The following GALNT7 variants were observed in gnomAD, a reference collection of about 807,000 sequenced individuals.
The protein encoded by GALNT7 is N-acetylgalactosaminyltransferase 7.
GALNT7 carries 60 observed loss-of-function variants against 82.1 expected under a neutral mutation model. The observed-to-expected ratio is 0.73, with a 90% CI of 0.59 to 0.91. The LOEUF (loss-of-function observed/expected upper bound fraction) is 0.91, where lower values mean the gene tolerates loss of function less well. GALNT7 is among the 40% of genes least tolerant of loss of function. GALNT7 has a pLI of 0.00. For missense variants in GALNT7, 660 were observed against 804.2 expected (o/e 0.82, Z 2.17); for synonymous variants, 243 against 275.1 (o/e 0.88, Z 1.15).
Position 173,183,854 on chromosome 4 carries a change from C to T in GALNT7, c.126+14893C>T, listed in dbSNP as rs1023437958. On this transcript the variant is annotated intron_variant, in intron 1 of 11. Coordinates refer to ENST00000265000, the MANE Select transcript of GALNT7 (RefSeq NM_017423.3). The stretch of plus-strand genomic sequence containing the variant: ...CCCACCTCCCAGACGGGGCGGCTGC[C>T]GGGCGGAGACGCTCATCACTTCCCA... 3.3e-5 allele frequency among the ~76,000 whole-genome samples: 5 copies of T among 150,676 alleles called. No individual in the cohort carries two copies. In the South Asian group the frequency reaches 6.3e-4, roughly 19 times the overall value.
intron 1 of GALNT7, among the ~76,000 whole-genome samples, chr4:173,246,389 A>AG (rs1482877131): frequency 1.3e-5 from 2 of 152,306 alleles, no homozygotes; most frequent in East Asian, 3.9e-4. Flanking sequence ...TTCAAAAAAA[A>AG]TTATCTTGTT....
At chr4:173,243,316 G>A (rs1390982006) in intron 1 of GALNT7, among the ~76,000 whole-genome samples, 1 of 152,122 alleles carries the variant, frequency 6.6e-6, no homozygotes, top group Non-Finnish European at 1.5e-5. Context: ...CCTTACTTCT[G>A]GTAATCCATA....
intron 1 of GALNT7, among the ~76,000 whole-genome samples, chr4:173,241,294 C>T (rs1176949712): frequency 6.6e-6 from 1 of 151,672 alleles, no homozygotes; most frequent in Admixed American, 6.6e-5. Flanking sequence ...ATTTAATTTT[C>T]CTGTTAAGTC....
chr4:173,246,849 A>G (rs1388598182), intron 1 of GALNT7, among the ~76,000 whole-genome samples: 1 of 152,116 alleles, frequency 6.6e-6, no homozygotes, highest in Non-Finnish European at 1.5e-5. Flanking sequence ...CTGTTGGGGA[A>G]TCACACAGTT....
chr4:173,228,668 A>T (rs1364813428), intron 1 of GALNT7, among the ~76,000 whole-genome samples: 1 of 151,998 alleles, frequency 6.6e-6, no homozygotes, highest in Admixed American at 6.6e-5. Flanking sequence ...TGATACTCAC[A>T]GCCAGATGGC....
chr4:173,193,478 C>T (rs903440172), intron 1 of GALNT7, among the ~76,000 whole-genome samples: 3 of 152,170 alleles, frequency 2.0e-5, no homozygotes, highest in Non-Finnish European at 4.4e-5. Context: ...TCTCTCCCCT[C>T]ACCCCAACTT....
chr4:173,300,344 C>G (rs1033699635), intron 6 of GALNT7, among the ~76,000 whole-genome samples: 1 of 151,796 alleles, frequency 6.6e-6, no homozygotes, highest in Non-Finnish European at 1.5e-5. Flanking sequence ...CCCTGTCTCA[C>G]AAAACAAACA....
At chr4:173,297,794 G>C in intron 5 of GALNT7, 2 of 1,368,516 alleles carry the variant, frequency 1.5e-6, no homozygotes, top group Non-Finnish European at 1.9e-6. Flanking sequence ...AAATGTTTCA[G>C]AACTACATGT....
chr4:173,268,011 C>T (rs1035735480), intron 2 of GALNT7: 1 of 154,348 alleles, frequency 6.5e-6, no homozygotes, highest in African/African-American at 2.4e-5. Flanking sequence ...TTTCATCCTG[C>T]CGTCTTACTA....
chr4:173,184,380 C>G lies in GALNT7; in HGVS notation c.126+15419C>G, dbSNP rs1444567273. 5.9e-5 allele frequency among the ~76,000 whole-genome samples: 9 copies of G among 152,184 alleles called. No homozygotes were observed. The East Asian group carries it at 1.7e-3, about 29-fold the overall frequency. ...GGGAGGCTGAGGCTGGCAGATCACT[C>G]GCGGTCAGGAGCTGGAGACCAGCCC... On this transcript the variant is annotated intron_variant, in intron 1 of 11. Transcript: ENST00000265000.
intron 2 of GALNT7, among the ~76,000 whole-genome samples, chr4:173,275,183 A>G (rs1735856298): frequency 6.6e-6 from 1 of 152,206 alleles, no homozygotes; most frequent in African/African-American, 2.4e-5. Flanking sequence ...GGTGTTCTCT[A>G]AAACTGTATT....
chr4:173,214,124 C>T (rs76488822), intron 1 of GALNT7, among the ~76,000 whole-genome samples: 2 of 152,190 alleles, frequency 1.3e-5, no homozygotes, highest in East Asian at 3.9e-4. Context: ...CTGGAAATAA[C>T]ACACAACCCA....
intron 1 of GALNT7, among the ~76,000 whole-genome samples, chr4:173,215,387 T>C: frequency 6.6e-6 from 1 of 152,046 alleles, no homozygotes; most frequent in East Asian, 1.9e-4. Context: ...TGTGCCACCA[T>C]GCCTGGCTAC....
Position 173,321,840 on chromosome 4 carries a change from T to C in GALNT7, c.*123T>C, listed in dbSNP as rs1220764597. 6.3e-6 allele frequency: 4 copies of C among 631,606 alleles called. No individual in the cohort carries two copies. The African/African-American group carries it at 7.4e-5, about 12-fold the overall frequency. 39.1% of individuals were successfully genotyped at this position (631,606 alleles called of 1,614,324 possible). ...GTATAGCTCCAAACCTGGAACCTCC[T>C]GATCAGTTTGAAGGACATTGATAAA... On this transcript the variant is annotated 3_prime_UTR_variant, in exon 12 of 12. Coordinates refer to ENST00000265000, the MANE Select transcript of GALNT7 (RefSeq NM_017423.3).
At chr4:173,272,927 C>G (rs76723935) in intron 2 of GALNT7, among the ~76,000 whole-genome samples, 4,712 of 152,224 alleles carry the variant, frequency 0.031, 99 homozygotes, top group South Asian at 0.069. Flanking sequence ...TCTAGTACAT[C>G]TCTTCATTTT....
chr4:173,299,856 A>AC (rs1446690911), intron 6 of GALNT7, among the ~76,000 whole-genome samples: 3 of 151,998 alleles, frequency 2.0e-5, no homozygotes, highest in South Asian at 2.1e-4. Context: ...AAAAACAAAA[A>AC]AAAAAAGACA....
At chr4:173,203,242 C>T (rs551971357) in intron 1 of GALNT7, among the ~76,000 whole-genome samples, 4 of 152,032 alleles carry the variant, frequency 2.6e-5, no homozygotes, top group East Asian at 1.9e-4. Context: ...TACAGGCGCC[C>T]GCCACCACGC....
intron 8 of GALNT7, among the ~76,000 whole-genome samples, chr4:173,309,506 A>G (rs182255258): frequency 4.1e-4 from 63 of 152,354 alleles, no homozygotes; most frequent in Middle Eastern, 6.8e-3. Context: ...AGGAAGCTTC[A>G]TGCAGACATC....
intron 2 of GALNT7, among the ~76,000 whole-genome samples, chr4:173,263,021 G>C (rs1239485984): frequency 6.6e-6 from 1 of 152,140 alleles, no homozygotes; most frequent in Non-Finnish European, 1.5e-5. Flanking sequence ...TGGTGTCATT[G>C]CCTTGATTTA....
Sources: gnomAD v4.1 joint callset for allele counts (sites outside exome capture counted in the v4.1 genomes callset) on GRCh38, gnomAD v4.1.1 for gene constraint, MANE v1.5 for transcripts, NCBI Gene and HGNC (gene_info 2026-07-23, HGNC 2026-07-21) for gene names.